Variants in SEM1 observed in about 807,000 individuals in gnomAD.
The protein encoded by SEM1 is 26S proteasome complex subunit SEM1.
In SEM1, 3 loss-of-function variants were observed where a neutral mutation model predicts 12.7. The ratio of observed to expected loss-of-function variants is 0.24; its 90% CI spans 0.11 to 0.61. The LOEUF (loss-of-function observed/expected upper bound fraction) is 0.61, where lower values mean the gene tolerates loss of function less well. Among genes scored for constraint, SEM1 ranks in the 20% least tolerant of loss-of-function variants. The pLI is 0.88. For synonymous variants in SEM1, 30 were observed against 27.8 expected (o/e 1.08, Z -0.25); for missense variants, 59 against 81.3 (o/e 0.73, Z 1.06).
chr7:96,656,071 G>A (rs6960619), intron 2 of SEM1, among the ~76,000 whole-genome samples: 3,446 of 152,278 alleles, frequency 0.023, 152 homozygotes, highest in African/African-American at 0.079. Context: ...CATAGGCTCA[G>A]TCCAGTCTGA....
chr7:96,494,065 G>A (rs1375009372), intron 1 of SEM1, among the ~76,000 whole-genome samples: 1 of 152,094 alleles, frequency 6.6e-6, no homozygotes, highest in East Asian at 1.9e-4. Flanking sequence ...TGCAAAAGGT[G>A]GAGACAGAGT....
chr7:96,685,096 G>T (rs1789722936), downstream of SEM1, among the ~76,000 whole-genome samples: 1 of 152,062 alleles, frequency 6.6e-6, no homozygotes, highest in Admixed American at 6.6e-5. Flanking sequence ...GAACAGGAAG[G>T]ATATAAATGT....
intron 2 of SEM1, among the ~76,000 whole-genome samples, chr7:96,569,636 G>A (rs62471405): frequency 0.11 from 16,419 of 151,944 alleles, 1,084 homozygotes; most frequent in Non-Finnish European, 0.14. Context: ...TGTTTTTAGC[G>A]TAGTCATCAC....
chr7:96,660,332 GACA>G (rs1017678312), intron 2 of SEM1, among the ~76,000 whole-genome samples: 3 of 152,022 alleles, frequency 2.0e-5, no homozygotes, highest in Admixed American at 6.5e-5. Context: ...GATACAAATG[GACA>G]AATCCTTTCT....
At chr7:96,489,095 G>A (rs1179936537) in intron 1 of SEM1, among the ~76,000 whole-genome samples, 2 of 152,132 alleles carry the variant, frequency 1.3e-5, no homozygotes, top group African/African-American at 4.8e-5. Context: ...GCAGATGATT[G>A]ATTGGACACA....
At chr7:96,531,438 A>C (rs996071150) in intron 2 of SEM1, among the ~76,000 whole-genome samples, 3 of 150,998 alleles carry the variant, frequency 2.0e-5, no homozygotes, top group African/African-American at 7.3e-5. Context: ...ACAAAAAAAA[A>C]CAAACAAAAA....
At chr7:96,587,728 G>T (rs536629527) in intron 2 of SEM1, among the ~76,000 whole-genome samples, 3 of 151,702 alleles carry the variant, frequency 2.0e-5, no homozygotes, top group Non-Finnish European at 4.4e-5. Flanking sequence ...TACTGATGCT[G>T]ATAACATTAG....
chr7:96,678,070 G>A (rs1033651207), intron 2 of SEM1, among the ~76,000 whole-genome samples: 3 of 152,094 alleles, frequency 2.0e-5, no homozygotes, highest in East Asian at 1.9e-4. Flanking sequence ...AATTTCTTTT[G>A]CAATGTTATT....
chr7:96,583,477 G>A (rs1392015839), intron 2 of SEM1, among the ~76,000 whole-genome samples: 1 of 148,818 alleles, frequency 6.7e-6, no homozygotes, highest in Non-Finnish European at 1.5e-5. Context: ...TTCTGTAGAT[G>A]TCTATTAGGT....
chr7:96,621,091 T>C (rs1377171172), downstream of SEM1, among the ~76,000 whole-genome samples: 1 of 152,152 alleles, frequency 6.6e-6, no homozygotes, highest in African/African-American at 2.4e-5. Flanking sequence ...TTCCCACCAA[T>C]GAGAATCTAC....
rs370172495 is a variant in SEM1, at chr7:96,709,681, C to G, written c.76+7G>C. The stretch of plus-strand genomic sequence containing the variant: ...GCGCGACACAGAAACCGGGGCCCAG[C>G]GGTTACCTTCGGCAGGGAACTCTTC... On this transcript the variant is annotated splice_region_variant and intron_variant, in intron 1 of 2. Coordinates refer to ENST00000248566, the MANE Select transcript of SEM1 (RefSeq NM_006304.2). 5.0e-6 allele frequency: 8 copies of G among 1,612,782 alleles called. No individual in the cohort carries two copies. In the South Asian group the frequency reaches 8.8e-5, roughly 18 times the overall value.
intron 2 of SEM1, among the ~76,000 whole-genome samples, chr7:96,575,449 G>A (rs536178843): frequency 2.6e-5 from 4 of 152,324 alleles, no homozygotes; most frequent in South Asian, 2.1e-4. Context: ...GGGGGTCAGG[G>A]ACCCACTTGA....
At chr7:96,624,563 A>G (rs944658531) in intron 2 of SEM1, among the ~76,000 whole-genome samples, 1 of 152,182 alleles carries the variant, frequency 6.6e-6, no homozygotes, top group Non-Finnish European at 1.5e-5. Context: ...AATTCAGACA[A>G]TTGTTATGAG....
intron 2 of SEM1, among the ~76,000 whole-genome samples, chr7:96,559,210 A>G (rs1489565801): frequency 6.6e-6 from 1 of 152,054 alleles, no homozygotes; most frequent in Non-Finnish European, 1.5e-5. Context: ...ATTTTTTCAT[A>G]TTTTTCCCAT....
chr7:96,638,570 TATATC>T (rs1014624193), intron 2 of SEM1, among the ~76,000 whole-genome samples: 1 of 152,000 alleles, frequency 6.6e-6, no homozygotes, highest in African/African-American at 2.4e-5. Context: ...AACTTTGACT[TATATC>T]TAATATATTT....
At chr7:96,642,058 A>C (rs934208541) in intron 2 of SEM1, among the ~76,000 whole-genome samples, 2 of 152,100 alleles carry the variant, frequency 1.3e-5, no homozygotes, top group African/African-American at 4.8e-5. Context: ...TTAAATTAAA[A>C]TTACTAAAAT....
chr7:96,502,374 T>G (rs1200411377), intron 3 of SEM1, among the ~76,000 whole-genome samples: 7 of 152,118 alleles, frequency 4.6e-5, no homozygotes, highest in Admixed American at 6.6e-5. Flanking sequence ...TCATTTGCTG[T>G]GGATAGGTAG....
chr7:96,680,980 CT>C (rs2115700392), intron 2 of SEM1, among the ~76,000 whole-genome samples: 1 of 152,166 alleles, frequency 6.6e-6, no homozygotes, highest in Admixed American at 6.6e-5. Flanking sequence ...GATACCTTAG[CT>C]TAAATGATCA....
chr7:96,501,815 C>G (rs1803565074), intron 3 of SEM1, among the ~76,000 whole-genome samples: 1 of 152,060 alleles, frequency 6.6e-6, no homozygotes, highest in Admixed American at 6.6e-5. Context: ...CAATTAATCC[C>G]ATCACCCAGG....
Sources: allele counts gnomAD v4.1 joint callset (sites outside exome capture counted in the v4.1 genomes callset), GRCh38; gene constraint gnomAD v4.1.1; transcripts MANE v1.5; gene names NCBI Gene and HGNC (gene_info 2026-07-23, HGNC 2026-07-21).